The following PTPRD variants were observed in gnomAD, a reference collection of about 807,000 sequenced individuals.
The protein encoded by PTPRD is receptor-type tyrosine-protein phosphatase delta.
PTPRD carries 34 observed loss-of-function variants against 214.5 expected under a neutral mutation model. That is an observed-to-expected ratio of 0.16 (90% CI 0.12 to 0.21). The LOEUF (loss-of-function observed/expected upper bound fraction) is 0.21, where lower values mean the gene tolerates loss of function less well. Among genes scored for constraint, PTPRD ranks in the 10% least tolerant of loss-of-function variants. The pLI is 1.00. For missense variants in PTPRD, 2,545 were observed against 2,398.7 expected, an observed-to-expected ratio of 1.06 and a Z score of -1.27; for synonymous variants, 1,128 against 845.7, an observed-to-expected ratio of 1.33 and a Z score of -5.79.
At chr9:9,432,047 T>TATAATAATA (rs373767588) in intron 8 of PTPRD, among the ~76,000 whole-genome samples, 5 of 138,434 alleles carry the variant, frequency 3.6e-5, no homozygotes, top group Admixed American at 1.5e-4. Flanking sequence ...GAACTTAAAG[T>TATAATAATA]ATAATAATAA....
rs1299790416 is a variant in PTPRD at position 8,389,403 on chromosome 9, G to T, written c.4215C>A (p.Ile1405=). 1.2e-6 allele frequency: 2 copies of T among 1,606,376 alleles called. No individual in the cohort carries two copies. The highest frequency in any genetic ancestry group is 2.2e-5 in the East Asian group (1 of 44,582). The change falls in exon 37 of 46, where the codon ATC becomes ATA. Residue 1405 remains isoleucine (I), a synonymous_variant. Coordinates refer to ENST00000381196, the MANE Select transcript of PTPRD (RefSeq NM_002839.4). ...SRVLLSAIEG[I]PGSDYVNANY... is the part of the protein sequence containing the mutation. ...TGGCATTCACATAGTCACTTCCTGG[G>T]ATCCCTGGAAAACAAGGAGTGTTAT...
chr9:10,006,240 C>T (rs570901731), intron 4 of PTPRD, among the ~76,000 whole-genome samples: 47 of 152,120 alleles, frequency 3.1e-4, no homozygotes, highest in African/African-American at 1.1e-3. Flanking sequence ...CAGTTCCCTG[C>T]TAGTTATAGG....
chr9:10,463,239 G>C (rs991236124), intron 2 of PTPRD, among the ~76,000 whole-genome samples: 1 of 151,990 alleles, frequency 6.6e-6, no homozygotes, highest in African/African-American at 2.4e-5. Context: ...CAAGCTTTTT[G>C]TTGTTACAAT....
intron 11 of PTPRD, among the ~76,000 whole-genome samples, chr9:8,848,514 T>C (rs2097752994): frequency 6.7e-6 from 1 of 150,042 alleles, no homozygotes; most frequent in East Asian, 2.0e-4. Flanking sequence ...ATTTTTTTTT[T>C]TTTTTTTTTT....
In PTPRD at chr9:8,317,483, A is replaced by C. The variant is rs924851659; in HGVS notation, c.*391T>G. 3 of 244,482 alleles carry C rather than the reference A, an allele frequency of 1.2e-5. No homozygotes were observed. The highest frequency in any genetic ancestry group is 6.6e-5 in the African/African-American group (3 of 45,532). The allele number at this position is 244,482 out of a possible 1,614,324, so 15.1% of individuals were successfully genotyped here. ...TCAAAGCAGAGTCCGTTTCATTGTG[A>C]GAAGCCACACCAGCACATATCTTGT... On this transcript the variant is annotated 3_prime_UTR_variant, in exon 46 of 46. Coordinates refer to ENST00000381196, the MANE Select transcript of PTPRD (RefSeq NM_002839.4).
intron 2 of PTPRD, among the ~76,000 whole-genome samples, chr9:10,476,596 T>C (rs1190145410): frequency 6.6e-6 from 1 of 152,158 alleles, no homozygotes; most frequent in Admixed American, 6.5e-5. Flanking sequence ...GCTATTCCCA[T>C]CAAGCTACCA....
chr9:10,569,108 A>C (rs1458972821), intron 2 of PTPRD, among the ~76,000 whole-genome samples: 1 of 152,154 alleles, frequency 6.6e-6, no homozygotes, highest in Non-Finnish European at 1.5e-5. Flanking sequence ...AAAATGGGCG[A>C]AGGATATGAA....
chr9:9,459,395 AAG>A (rs1267822176), intron 8 of PTPRD, among the ~76,000 whole-genome samples: 2 of 152,120 alleles, frequency 1.3e-5, no homozygotes, highest in Non-Finnish European at 2.9e-5. Context: ...TCTAAATTGG[AAG>A]AGAGAAAGTC....
intron 35 of PTPRD, among the ~76,000 whole-genome samples, chr9:8,414,499 T>C (rs2093752855): frequency 1.3e-5 from 2 of 152,172 alleles, no homozygotes; most frequent in Admixed American, 1.3e-4. Flanking sequence ...TTTTTTTGGT[T>C]TGTTTGAACA....
intron 5 of PTPRD, among the ~76,000 whole-genome samples, chr9:9,874,046 C>T (rs1161352583): frequency 6.6e-6 from 1 of 152,104 alleles, no homozygotes; most frequent in Non-Finnish European, 1.5e-5. Flanking sequence ...GACCTCACAA[C>T]AGATGAAATG....
intron 2 of PTPRD, among the ~76,000 whole-genome samples, chr9:10,551,972 T>A (rs1471367668): frequency 6.6e-6 from 1 of 152,226 alleles, no homozygotes; most frequent in Non-Finnish European, 1.5e-5. Flanking sequence ...CTACTTTGCA[T>A]GCATGTTTTC....
At chr9:8,903,143 A>T (rs10977347) in intron 11 of PTPRD, among the ~76,000 whole-genome samples, 7,066 of 147,032 alleles carry the variant, frequency 0.048, 312 homozygotes, top group East Asian at 0.2. Flanking sequence ...GATCTATCTT[A>T]TTCTTTTTTT....
chr9:9,659,074 G>T (rs1040933364), intron 7 of PTPRD, among the ~76,000 whole-genome samples: 3 of 151,718 alleles, frequency 2.0e-5, no homozygotes, highest in Non-Finnish European at 4.4e-5. Context: ...AAGAGGTGAA[G>T]ATATAATTAC....
At chr9:8,539,778 T>C (rs1378854932) in intron 14 of PTPRD, among the ~76,000 whole-genome samples, 1 of 152,018 alleles carries the variant, frequency 6.6e-6, no homozygotes, top group Admixed American at 6.6e-5. Context: ...TGGTCAGAAA[T>C]GTCAAAGAAA....
rs2071786846 is a variant in PTPRD, at chr9:10,581,484, C to T, written c.-600+30914G>A. Among the ~76,000 whole-genome samples, 5 of 152,162 alleles carry T rather than the reference C, an allele frequency of 3.3e-5. No individual in the cohort carries two copies. In the South Asian group the frequency reaches 1.0e-3, roughly 32 times the overall value. On this transcript the variant is annotated intron_variant, in intron 2 of 45. Transcript: ENST00000381196. ...GTCATGGTAGGGGCAGTTAAGAAAG[C>T]AAACACTTTTCAAAAAGTTCTTGAG...
chr9:10,053,047 T>A (rs1017544948), intron 3 of PTPRD, among the ~76,000 whole-genome samples: 1 of 152,166 alleles, frequency 6.6e-6, no homozygotes, highest in Non-Finnish European at 1.5e-5. Context: ...AACATATATG[T>A]CATATTAATA....
intron 7 of PTPRD, among the ~76,000 whole-genome samples, chr9:9,690,269 G>A (rs933952498): frequency 2.6e-5 from 4 of 151,692 alleles, no homozygotes; most frequent in Admixed American, 6.6e-5. Context: ...TATACCTGTT[G>A]GCCATTTGTG....
At chr9:9,181,381 C>G (rs2099928099) in intron 10 of PTPRD, among the ~76,000 whole-genome samples, 1 of 151,782 alleles carries the variant, frequency 6.6e-6, no homozygotes. Context: ...AAGCAACTAT[C>G]CTGTTTTGAG....
intron 9 of PTPRD, among the ~76,000 whole-genome samples, chr9:9,185,961 G>A (rs1467710460): frequency 2.0e-5 from 3 of 151,118 alleles, no homozygotes. Flanking sequence ...ATCTGGTAGA[G>A]GAGACAACAA....
Sources: gnomAD v4.1 joint callset for allele counts (sites outside exome capture counted in the v4.1 genomes callset) on GRCh38, gnomAD v4.1.1 for gene constraint, MANE v1.5 for transcripts, NCBI Gene and HGNC (gene_info 2026-07-23, HGNC 2026-07-21) for gene names.